Variants in UNC5C observed in about 807,000 individuals in gnomAD.
UNC5C encodes netrin receptor UNC5C.
UNC5C carries 47 observed loss-of-function variants against 99.8 expected under a neutral mutation model. That is an observed-to-expected ratio of 0.47 (90% CI 0.37 to 0.60). The LOEUF is 0.60. Among genes scored for constraint, UNC5C ranks in the 20% least tolerant of loss-of-function variants. UNC5C has a pLI of 0.00. For missense variants in UNC5C, 1,062 were observed against 1,165.9 expected (o/e 0.91, Z 1.30); for synonymous variants, 487 against 452.2 (o/e 1.08, Z -0.98).
At chr4:95,489,618 C>A (rs1333947521) in intron 1 of UNC5C, among the ~76,000 whole-genome samples, 1 of 151,590 alleles carries the variant, frequency 6.6e-6, no homozygotes, top group Non-Finnish European at 1.5e-5. Flanking sequence ...GAGAGTCCTG[C>A]CCTGGAAGGG....
At chr4:95,487,922 G>T (rs980053823) in intron 1 of UNC5C, among the ~76,000 whole-genome samples, 1 of 151,604 alleles carries the variant, frequency 6.6e-6, no homozygotes, top group Non-Finnish European at 1.5e-5. Context: ...TTTTAGGCTC[G>T]TCTTTTTAAT....
At chr4:95,357,126 CT>C (rs758274172) in intron 1 of UNC5C, among the ~76,000 whole-genome samples, 5 of 110,850 alleles carry the variant, frequency 4.5e-5, no homozygotes, top group Admixed American at 3.4e-4. Context: ...TCTTGTTTTC[CT>C]TTTTTTTGTT....
chr4:95,489,893 G>A (rs1721433411), intron 1 of UNC5C, among the ~76,000 whole-genome samples: 1 of 151,624 alleles, frequency 6.6e-6, no homozygotes, highest in Non-Finnish European at 1.5e-5. Context: ...GATTTCAAGT[G>A]GAAAGTTAGG....
intron 2 of UNC5C, among the ~76,000 whole-genome samples, chr4:95,302,006 G>A (rs1041790869): frequency 1.6e-4 from 24 of 152,134 alleles, no homozygotes; most frequent in Admixed American, 4.6e-4. Flanking sequence ...ACTCCACAAA[G>A]TAATTCCTTT....
chr4:95,198,424 A>AGAT (rs1737519723), intron 12 of UNC5C, among the ~76,000 whole-genome samples: 2 of 152,220 alleles, frequency 1.3e-5, no homozygotes, highest in Non-Finnish European at 2.9e-5. Flanking sequence ...TTGCTAATGA[A>AGAT]GATGAAATCC....
intron 1 of UNC5C, among the ~76,000 whole-genome samples, chr4:95,469,770 T>A (rs921361182): frequency 2.6e-5 from 4 of 152,258 alleles, no homozygotes; most frequent in South Asian, 4.1e-4. Flanking sequence ...ATGGTGTTAA[T>A]CAAAGTTTAC....
intron 14 of UNC5C, among the ~76,000 whole-genome samples, chr4:95,179,489 A>G (rs532075635): frequency 2.0e-5 from 3 of 152,302 alleles, no homozygotes; most frequent in South Asian, 4.1e-4. Flanking sequence ...GCTCACGCCT[A>G]TAATCCCAGC....
intron 4 of UNC5C, among the ~76,000 whole-genome samples, chr4:95,262,498 T>C (rs566533538): frequency 1.8e-4 from 27 of 152,190 alleles, no homozygotes; most frequent in Non-Finnish European, 3.7e-4. Flanking sequence ...CTAGGCTAAA[T>C]GAGCTACCTA....
chr4:95,265,711 T>C (rs1740420314), intron 4 of UNC5C, among the ~76,000 whole-genome samples: 1 of 152,146 alleles, frequency 6.6e-6, no homozygotes, highest in Non-Finnish European at 1.5e-5. Context: ...AAACATACAG[T>C]CAAAAAAACT....
chr4:95,486,633 C>A (rs1471616552), intron 1 of UNC5C, among the ~76,000 whole-genome samples: 1 of 151,602 alleles, frequency 6.6e-6, no homozygotes, highest in African/African-American at 2.4e-5. Context: ...AGTTATTATT[C>A]CAAAATGCAA....
chr4:95,195,215 T>G (rs747802258), intron 12 of UNC5C, among the ~76,000 whole-genome samples: 13 of 152,148 alleles, frequency 8.5e-5, no homozygotes, highest in Non-Finnish European at 1.6e-4. Flanking sequence ...GCAGACCAAA[T>G]TACTGTCCTA....
At chr4:95,538,521 T>C (rs986274590) in intron 1 of UNC5C, among the ~76,000 whole-genome samples, 1 of 152,198 alleles carries the variant, frequency 6.6e-6, no homozygotes, top group Non-Finnish European at 1.5e-5. Context: ...TTTAGACTTG[T>C]AATCTGAAAA....
intron 3 of UNC5C, among the ~76,000 whole-genome samples, chr4:95,288,182 A>G (rs1370702604): frequency 1.3e-5 from 2 of 151,874 alleles, no homozygotes; most frequent in African/African-American, 4.8e-5. Flanking sequence ...TCCTGGTTTC[A>G]CACCATTCTC....
chr4:95,467,706 C>A (rs1747829128), intron 1 of UNC5C, among the ~76,000 whole-genome samples: 1 of 152,164 alleles, frequency 6.6e-6, no homozygotes, highest in Middle Eastern at 3.4e-3. Flanking sequence ...TAGGGGGCAC[C>A]AACCCTTCAC....
At position 95,546,934 on chromosome 4, in the gene UNC5C, C is replaced by G. The variant is rs542603110; in HGVS notation, c.124+1800G>C. ...AGTTCTCTCACCGTGCCCCGTCCCC[C>G]TCTCCCGCCACCCACCCCCATGGCT... On this transcript the variant is annotated intron_variant, in intron 1 of 15. Coordinates refer to ENST00000453304, the MANE Select transcript of UNC5C (RefSeq NM_003728.4). Among the ~76,000 whole-genome samples the G allele has an allele frequency of 2.6e-5, 4 of 152,236 alleles. No individual in the cohort carries two copies. In the South Asian group the frequency reaches 8.3e-4, roughly 32 times the overall value.
chr4:95,415,783 G>A (rs1746144914), intron 1 of UNC5C, among the ~76,000 whole-genome samples: 1 of 152,006 alleles, frequency 6.6e-6, no homozygotes. Flanking sequence ...AACTAGAGTA[G>A]GTTTATTGCT....
Position 95,301,598 on chromosome 4 carries a change from T to A in UNC5C, c.490+8A>T, listed in dbSNP as rs773826224. 6.2e-7 allele frequency: 1 copy of A among 1,613,840 alleles called. No individual in the cohort carries two copies. The highest frequency in any genetic ancestry group is 8.5e-7 in the Non-Finnish European group (1 of 1,179,950). ...GAGACCCAAGGTGCTTATTGTACAA[T>A]GACTCACATGCAATGCGCACATACG... On this transcript the variant is annotated splice_region_variant and intron_variant, in intron 3 of 15. Transcript: ENST00000453304.
chr4:95,528,923 T>A (rs1722565365), intron 1 of UNC5C, among the ~76,000 whole-genome samples: 1 of 152,156 alleles, frequency 6.6e-6, no homozygotes, highest in African/African-American at 2.4e-5. Flanking sequence ...GCAATGAAAG[T>A]TGTTACTTGA....
At chr4:95,346,915 G>C (rs1359819961) in intron 1 of UNC5C, among the ~76,000 whole-genome samples, 1 of 151,794 alleles carries the variant, frequency 6.6e-6, no homozygotes, top group African/African-American at 2.4e-5. Flanking sequence ...GTCCTAGCTA[G>C]AGCAATCAGA....
Sources: gnomAD v4.1 joint callset for allele counts (sites outside exome capture counted in the v4.1 genomes callset) on GRCh38, gnomAD v4.1.1 for gene constraint, MANE v1.5 for transcripts, NCBI Gene and HGNC (gene_info 2026-07-23, HGNC 2026-07-21) for gene names.